The following CARD8 variants were observed in gnomAD, a reference collection of about 807,000 sequenced individuals.
CARD8 encodes the protein caspase recruitment domain-containing protein 8.
In CARD8, 38 loss-of-function variants were observed where a neutral mutation model predicts 53.2. The ratio of observed to expected loss-of-function variants is 0.71; its 90% CI spans 0.55 to 0.94. CARD8 has a LOEUF of 0.94. Ranked by LOEUF, CARD8 falls within the 40% of genes least tolerant of loss-of-function variation. CARD8 has a pLI of 0.00. For synonymous variants in CARD8, 245 were observed against 244.9 expected, an observed-to-expected ratio of 1.00 and a Z score of 0.00; for missense variants, 561 against 655.5, an observed-to-expected ratio of 0.86 and a Z score of 1.57.
Position 48,218,883 on chromosome 19 carries a change from C to T in CARD8, c.1291G>A (p.Glu431Lys), listed in dbSNP as rs1446654264. ...KRHGTLVWDT[E>K]VKPVDLQLVA... is the part of the protein sequence containing the mutation. ...CCCACTCACCTACCTGGCTTCACCT[C>T]AGTATCCCACACCAAAGTCCCATGT... Residue 431 changes from glutamate to lysine, a missense_variant, in exon 12 of 14, where the codon GAG becomes AAG. Coordinates refer to ENST00000651546, the MANE Select transcript of CARD8 (RefSeq NM_001184900.3). 1 of 1,614,198 alleles carries T rather than the reference C, an allele frequency of 6.2e-7. No individual in the cohort carries two copies. Among genetic ancestry groups the T allele is most frequent in the Admixed American group, 1.7e-5 (1 of 60,028 alleles).
intron 5 of CARD8, among the ~76,000 whole-genome samples, chr19:48,236,168 G>C (rs1371365575): frequency 2.0e-5 from 3 of 152,188 alleles, no homozygotes; most frequent in African/African-American, 7.2e-5. Flanking sequence ...GTTGACCAGA[G>C]GGTCCTGCCT....
chr19:48,213,844 G>A (rs2038585210), intron 13 of CARD8, among the ~76,000 whole-genome samples: 1 of 152,122 alleles, frequency 6.6e-6, no homozygotes, highest in African/African-American at 2.4e-5. Context: ...GTTTTGAAGA[G>A]CCAACACATT....
intron 3 of CARD8, among the ~76,000 whole-genome samples, chr19:48,242,379 A>AAC (rs2045332860): frequency 6.6e-6 from 1 of 151,950 alleles, no homozygotes; most frequent in Non-Finnish European, 1.5e-5. Context: ...GAACTGTGAG[A>AAC]AATAAATTCT....
chr19:48,219,036 T>C (rs377686517), intron 11 of CARD8, 24 bp from the exon 12 acceptor site: 25 of 1,613,092 alleles, frequency 1.5e-5, no homozygotes, highest in African/African-American at 2.7e-5. Flanking sequence ...ATCAGTTGAC[T>C]TGAAGCAGTG....
In CARD8 at chr19:48,219,030, G is replaced by T. The variant is rs144179211; in HGVS notation, c.1162-18C>A. 1 of 1,613,604 alleles carries T rather than the reference G, an allele frequency of 6.2e-7. No homozygotes were observed. The highest frequency in any genetic ancestry group is 2.2e-5 in the East Asian group (1 of 44,876). ...TTCAACTCCTAGAGGAAACACATCA[G>T]TTGACTTGAAGCAGTGGAGGGTGGA... On this transcript the variant is annotated intron_variant, in intron 11 of 13. Coordinates refer to ENST00000651546, the MANE Select transcript of CARD8 (RefSeq NM_001184900.3).
intron 7 of CARD8, 64 bp from the exon 8 acceptor site, chr19:48,231,874 C>T: frequency 2.7e-6 from 4 of 1,473,680 alleles, no homozygotes; most frequent in Middle Eastern, 1.7e-4. Flanking sequence ...CTGAAGGACT[C>T]CTGGAGGCTG....
At chr19:48,240,769 A>C (rs1479756104) in intron 4 of CARD8, among the ~76,000 whole-genome samples, 193 bp downstream of exon 4, 2 of 60,422 alleles carry the variant, frequency 3.3e-5, no homozygotes, top group Non-Finnish European at 3.6e-5. Flanking sequence ...ACTCTGTGTC[A>C]AAAAAAAAAA....
intron 12 of CARD8, among the ~76,000 whole-genome samples, chr19:48,215,934 GC>G (rs1315444548): frequency 2.0e-5 from 3 of 151,570 alleles, no homozygotes; most frequent in East Asian, 1.9e-4. Context: ...TTTGCAACAT[GC>G]CCCCCCCACC....
intron 3 of CARD8, 42 bp from the exon 4 acceptor site, chr19:48,241,105 A>G: frequency 9.4e-7 from 1 of 1,063,160 alleles, no homozygotes; most frequent in Non-Finnish European, 1.4e-6. Flanking sequence ...ACTTGGGAAG[A>G]ACCATCAGAT....
rs1401669684 is a variant in CARD8 at position 48,230,431 on chromosome 19, A to G, written c.1035+7T>C. The stretch of plus-strand genomic sequence containing the variant: ...TCTTCTCTGGTCTCCTAAATCACTC[A>G]GCTTACCTTTGTTAGCAAGGCGTCG... On this transcript the variant is annotated splice_region_variant and intron_variant, in intron 10 of 13. Transcript: ENST00000651546. The G allele has an allele frequency of 1.3e-6, 2 of 1,596,300 alleles. No homozygotes were observed. Among genetic ancestry groups the G allele is most frequent in the East Asian group, 2.2e-5 (1 of 44,692 alleles).
rs1267855810 is a variant in CARD8, at chr19:48,230,908, C to G, written c.641G>C (p.Trp214Ser). The G allele has an allele frequency of 1.2e-6, 2 of 1,614,192 alleles. No individual in the cohort carries two copies. The highest frequency in any genetic ancestry group is 1.7e-6 in the Non-Finnish European group (2 of 1,180,040). ...EVTVTIAFGSWSQHLALDLQH... is the reference protein window; with the variant it reads ...EVTVTIAFGSSSQHLALDLQH... ...CAGGTCCAGGGCCAGGTGCTGACTC[C>G]AGGAACCAAACGCAATCGTCACTGT... is the stretch of plus-strand genomic sequence containing the variant. The change falls in exon 9 of 14, where the codon TGG (tryptophan) becomes TCG (serine). Residue 214 changes from tryptophan (W) to serine (S), a missense_variant. Trp to Ser is a radical substitution (Grantham distance 177). Coordinates refer to ENST00000651546, the MANE Select transcript of CARD8 (RefSeq NM_001184900.3).
At position 48,231,763 on chromosome 19, in the gene CARD8, T is replaced by TAA. The variant is rs2042939094; in HGVS notation, c.438_439insTT (p.Lys147LeufsTer27). On this transcript the variant is annotated frameshift_variant, in exon 8 of 14. Coordinates refer to ENST00000651546, the MANE Select transcript of CARD8 (RefSeq NM_001184900.3). LOFTEE classifies it high-confidence loss of function. ...TCTTCTTCGATCTCAAAACAGACTT[T>TAA]AGAAGCATAAGAGGAAACTATTTGA... 6.2e-7 allele frequency: 1 copy of TAA among 1,613,926 alleles called. No homozygotes were observed. The highest frequency in any genetic ancestry group is 1.3e-5 in the African/African-American group (1 of 74,916).
In CARD8 at chr19:48,238,525, C is replaced by T. The variant is rs1194861126; in HGVS notation, c.67G>A (p.Gly23Arg). The change falls in exon 5 of 14, where the codon GGA becomes AGA. Residue 23 changes from glycine to arginine, a missense_variant. Gly to Arg is a moderately radical substitution (Grantham distance 125). Transcript: ENST00000651546. Reference protein sequence around the residue: ...SEEELPRRDSGSSRNIDASKL... With the variant: ...SEEELPRRDSRSSRNIDASKL... ...GATGCATCTATGTTCCTACTGGATC[C>T]ACTGTCCCTGGGAAAACACAAATGG... 9.8e-6 allele frequency: 15 copies of T among 1,536,200 alleles called. No homozygotes were observed. The highest frequency in any genetic ancestry group is 1.2e-5 in the Non-Finnish European group (14 of 1,146,932).
At chr19:48,226,133 A>G (rs929399603) in intron 10 of CARD8, among the ~76,000 whole-genome samples, 5 of 151,834 alleles carry the variant, frequency 3.3e-5, no homozygotes, top group Non-Finnish European at 7.4e-5. Context: ...ACGTGAATCC[A>G]TTAAAGAATC....
chr19:48,205,762 C>G (rs932620957), downstream of CARD8, among the ~76,000 whole-genome samples: 1 of 152,070 alleles, frequency 6.6e-6, no homozygotes, highest in African/African-American at 2.4e-5. Context: ...TCTCAGCTGC[C>G]ATATCACATG....
At chr19:48,233,693 A>G (rs748627871) in intron 6 of CARD8, 7 of 203,812 alleles carry the variant, frequency 3.4e-5, no homozygotes, top group Non-Finnish European at 6.1e-5. Context: ...ATCCCAGATC[A>G]TGAGAGCTGA....
chr19:48,234,476 C>G lies in CARD8; in HGVS notation c.277G>C (p.Asp93His). The part of the protein sequence containing the change: ...CDISHFFQED[D>H]ETEAEPLLFR... ...AATAATGGCTCTGCCTCTGTCTCATCATCTTCTTGGAAAAAATGTGAGATG... is the reference window on the plus strand; with the variant it reads ...AATAATGGCTCTGCCTCTGTCTCATGATCTTCTTGGAAAAAATGTGAGATG... The change falls in exon 6 of 14, where the codon GAT becomes CAT. Residue 93 changes from aspartate (D) to histidine (H), a missense_variant. Asp to His is a moderately conservative substitution (Grantham distance 81, BLOSUM62 -1). Coordinates refer to ENST00000651546, the MANE Select transcript of CARD8 (RefSeq NM_001184900.3). The G allele has an allele frequency of 6.2e-7, 1 of 1,613,910 alleles. No individual in the cohort carries two copies. Among genetic ancestry groups the G allele is most frequent in the Non-Finnish European group, 8.5e-7 (1 of 1,179,844 alleles).
At chr19:48,244,155 C>T (rs1375644948) in intron 3 of CARD8, among the ~76,000 whole-genome samples, 1 of 151,880 alleles carries the variant, frequency 6.6e-6, no homozygotes, top group Non-Finnish European at 1.5e-5. Context: ...ATCAAGACAA[C>T]ATACAATTAA....
intron 4 of CARD8, 31 bp from the exon 5 acceptor site, chr19:48,238,563 A>G (rs1278109737): frequency 6.5e-7 from 1 of 1,535,140 alleles, no homozygotes; most frequent in Non-Finnish European, 8.7e-7. Flanking sequence ...TTGGAATGTG[A>G]GCATGTCAGA....
Sources: gnomAD v4.1 joint callset for allele counts (sites outside exome capture counted in the v4.1 genomes callset) on GRCh38, gnomAD v4.1.1 for gene constraint, MANE v1.5 for transcripts, NCBI Gene and HGNC (gene_info 2026-07-23, HGNC 2026-07-21) for gene names.